The following ATP8A2 variants were observed in gnomAD, a reference collection of about 807,000 sequenced individuals.
ATP8A2 encodes the protein ATPase phospholipid transporting 8A2.
In ATP8A2, 100 loss-of-function variants were observed where a neutral mutation model predicts 165.6. That is an observed-to-expected ratio of 0.60 (90% CI 0.51 to 0.71). The LOEUF (loss-of-function observed/expected upper bound fraction) is 0.71. ATP8A2 is among the 30% of genes least tolerant of loss of function. The pLI is 0.00. For missense variants in ATP8A2, 1,227 were observed against 1,479.5 expected, an observed-to-expected ratio of 0.83 and a Z score of 2.80; for synonymous variants, 543 against 548.8, an observed-to-expected ratio of 0.99 and a Z score of 0.15.
intron 1 of ATP8A2, among the ~76,000 whole-genome samples, chr13:25,407,597 G>A (rs1409401968): frequency 3.3e-5 from 5 of 152,160 alleles, no homozygotes; most frequent in Non-Finnish European, 7.3e-5. Context: ...GTGGTTATGA[G>A]CTTGACAAGT....
At chr13:25,918,736 G>A (rs1418325432) in intron 33 of ATP8A2, among the ~76,000 whole-genome samples, 1 of 152,184 alleles carries the variant, frequency 6.6e-6, no homozygotes, top group Non-Finnish European at 1.5e-5. Flanking sequence ...TTTGGTGTTT[G>A]ATTGGCACTT....
At chr13:26,006,875 C>G (rs1956750527) in intron 35 of ATP8A2, among the ~76,000 whole-genome samples, 1 of 151,234 alleles carries the variant, frequency 6.6e-6, no homozygotes, top group Non-Finnish European at 1.5e-5. Flanking sequence ...CTCATTTGGT[C>G]ATAGTATATA....
chr13:25,719,483 A>G (rs1312790420), intron 25 of ATP8A2, among the ~76,000 whole-genome samples: 1 of 151,952 alleles, frequency 6.6e-6, no homozygotes, highest in South Asian at 2.1e-4. Flanking sequence ...GGATGGATGG[A>G]TGGATGGATG....
intron 30 of ATP8A2, among the ~76,000 whole-genome samples, chr13:25,854,036 G>A (rs1341346819): frequency 6.6e-6 from 1 of 152,132 alleles, no homozygotes; most frequent in African/African-American, 2.4e-5. Context: ...GGCTGTTATT[G>A]GGTTTTGTAA....
At chr13:25,504,278 A>G (rs1038096993) in intron 2 of ATP8A2, among the ~76,000 whole-genome samples, 1 of 152,236 alleles carries the variant, frequency 6.6e-6, no homozygotes, top group Non-Finnish European at 1.5e-5. Flanking sequence ...GGTAATTGGT[A>G]TAAGATTTTG....
chr13:25,834,698 A>G (rs1230935084), intron 28 of ATP8A2, among the ~76,000 whole-genome samples: 1 of 152,234 alleles, frequency 6.6e-6, no homozygotes, highest in Non-Finnish European at 1.5e-5. Flanking sequence ...GGCAGGAGAC[A>G]GGGTCTCACT....
chr13:25,817,246 C>T (rs964946566), intron 27 of ATP8A2, among the ~76,000 whole-genome samples: 15 of 151,922 alleles, frequency 9.9e-5, no homozygotes, highest in African/African-American at 3.1e-4. Flanking sequence ...TTTACGAAGT[C>T]CTTGACACAA....
chr13:25,727,066 A>T (rs992790909), intron 25 of ATP8A2, among the ~76,000 whole-genome samples: 4 of 152,150 alleles, frequency 2.6e-5, no homozygotes, highest in Non-Finnish European at 5.9e-5. Flanking sequence ...TCAGGGGTAC[A>T]TGCATGCACG....
intron 25 of ATP8A2, among the ~76,000 whole-genome samples, chr13:25,737,454 C>T (rs1227413905): frequency 6.6e-6 from 1 of 152,076 alleles, no homozygotes; most frequent in Non-Finnish European, 1.5e-5. Flanking sequence ...TAAAAGCCAC[C>T]CTTATAGAAG....
At position 25,639,715 on chromosome 13, in the gene ATP8A2, A is replaced by T. The variant is rs189264657; in HGVS notation, c.2211+50016A>T. ...TCAATGAGACAGAAAGTTAACAAGGATATCCGGGAATTGAACTCAGCTGTG... is the reference window on the plus strand; with the variant it reads ...TCAATGAGACAGAAAGTTAACAAGGTTATCCGGGAATTGAACTCAGCTGTG... On this transcript the variant is annotated intron_variant, in intron 24 of 36. Transcript: ENST00000381655. 3.2e-4 allele frequency among the ~76,000 whole-genome samples: 49 copies of T among 151,906 alleles called. No individual in the cohort carries two copies. In the East Asian group the frequency reaches 6.9e-3, roughly 22 times the overall value.
At chr13:25,501,059 C>T (rs1161905016) in intron 2 of ATP8A2, among the ~76,000 whole-genome samples, 3 of 152,052 alleles carry the variant, frequency 2.0e-5, no homozygotes, top group African/African-American at 7.3e-5. Flanking sequence ...GACTCCTACT[C>T]GATGATGTGA....
At chr13:25,668,137 T>G (rs1455900039) in intron 24 of ATP8A2, among the ~76,000 whole-genome samples, 1 of 152,218 alleles carries the variant, frequency 6.6e-6, no homozygotes, top group African/African-American at 2.4e-5. Flanking sequence ...CTGTGATTGT[T>G]ATTTCTTCAT....
chr13:25,542,123 T>G (rs1450097799), intron 9 of ATP8A2, 77 bp downstream of exon 9: 1 of 1,407,788 alleles, frequency 7.1e-7, no homozygotes, highest in African/African-American at 1.4e-5. Context: ...ATATGTTTGT[T>G]TCCTAGTTTT....
intron 27 of ATP8A2, among the ~76,000 whole-genome samples, chr13:25,781,818 A>G (rs781197556): frequency 8.5e-5 from 13 of 152,162 alleles, no homozygotes; most frequent in Non-Finnish European, 1.9e-4. Flanking sequence ...GAAAAAAATC[A>G]TATCTAAATT....
At chr13:25,469,314 G>GC (rs1450285838) in intron 2 of ATP8A2, among the ~76,000 whole-genome samples, 193 bp downstream of exon 2, 2 of 151,166 alleles carry the variant, frequency 1.3e-5, no homozygotes, top group African/African-American at 4.9e-5. Context: ...TGCGAATGCA[G>GC]CCCTCACCGT....
At chr13:25,955,668 C>T (rs1008767342) in intron 33 of ATP8A2, among the ~76,000 whole-genome samples, 10 of 152,116 alleles carry the variant, frequency 6.6e-5, no homozygotes, top group African/African-American at 2.4e-4. Context: ...CAGGACCAGA[C>T]GGATTCACAG....
At chr13:25,514,955 G>A (rs2037417796) in intron 2 of ATP8A2, among the ~76,000 whole-genome samples, 1 of 152,320 alleles carries the variant, frequency 6.6e-6, no homozygotes, top group East Asian at 1.9e-4. Context: ...CAGGCATCCA[G>A]TTGAACATTA....
intron 33 of ATP8A2, among the ~76,000 whole-genome samples, chr13:25,897,934 G>A (rs1000683715): frequency 1.6e-4 from 25 of 152,020 alleles, no homozygotes; most frequent in African/African-American, 4.8e-4. Flanking sequence ...TTATCCATTC[G>A]TCTAATTTTT....
intron 2 of ATP8A2, among the ~76,000 whole-genome samples, chr13:25,495,849 C>G (rs1192176215): frequency 6.6e-6 from 1 of 152,048 alleles, no homozygotes; most frequent in Non-Finnish European, 1.5e-5. Flanking sequence ...ATACCTTGAT[C>G]TGAGCTGTAC....
Sources: allele counts gnomAD v4.1 joint callset (sites outside exome capture counted in the v4.1 genomes callset), GRCh38; gene constraint gnomAD v4.1.1; transcripts MANE v1.5; gene names NCBI Gene and HGNC (gene_info 2026-07-23, HGNC 2026-07-21).